Variants in PTPRT observed in about 807,000 individuals in gnomAD.
PTPRT encodes protein tyrosine phosphatase receptor type T.
Under a neutral mutation model 176.8 loss-of-function variants are expected in PTPRT, and 56 were observed. The observed-to-expected ratio is 0.32, with a 90% CI of 0.26 to 0.40. PTPRT has a LOEUF of 0.40. Ranked by LOEUF, PTPRT falls within the 10% of genes least tolerant of loss-of-function variation. The pLI is 1.00. For missense variants in PTPRT, 1,540 were observed against 1,908.2 expected (o/e 0.81, Z 3.60); for synonymous variants, 783 against 739.0 (o/e 1.06, Z -0.96).
chr20:42,573,107 C>T (rs2073188020), intron 7 of PTPRT, among the ~76,000 whole-genome samples: 1 of 152,078 alleles, frequency 6.6e-6, no homozygotes, highest in Admixed American at 6.5e-5. Flanking sequence ...AATTAATTAA[C>T]AACTAATTAA....
In PTPRT at chr20:42,480,043, A is replaced by AAG. The variant is rs533083147; in HGVS notation, c.1154-7482_1154-7481insCT. Among the ~76,000 whole-genome samples, 15 of 152,350 alleles carry AAG rather than the reference A, an allele frequency of 9.8e-5. No homozygotes were observed. The East Asian group carries it at 2.5e-3, about 25-fold the overall frequency. ...AACACGGTTGCTACCCTCCCATAGC[A>AAG]ATGCCACAGAGAAGGTAATCCACTC... On this transcript the variant is annotated intron_variant, in intron 7 of 30. Transcript: ENST00000373187.
At chr20:42,829,218 T>C (rs1297936512) in intron 2 of PTPRT, among the ~76,000 whole-genome samples, 1 of 152,254 alleles carries the variant, frequency 6.6e-6, no homozygotes, top group East Asian at 1.9e-4. Flanking sequence ...TAGATTTGCA[T>C]GGGGCCTGTA....
intron 7 of PTPRT, among the ~76,000 whole-genome samples, chr20:42,649,319 A>C (rs1316402513): frequency 6.6e-6 from 1 of 152,084 alleles, no homozygotes; most frequent in Non-Finnish European, 1.5e-5. Context: ...CAAAGGAAAG[A>C]CCTGCCCCCA....
At chr20:42,264,183 C>T (rs1367581981) in intron 13 of PTPRT, among the ~76,000 whole-genome samples, 2 of 152,100 alleles carry the variant, frequency 1.3e-5, no homozygotes, top group Non-Finnish European at 2.9e-5. Flanking sequence ...GCAGTGAGAG[C>T]CTCAGTCATA....
In PTPRT at chr20:42,141,988, C is replaced by T. The variant is rs762900792; in HGVS notation, c.2697G>A (p.Gly899=). The T allele has an allele frequency of 1.2e-6, 2 of 1,614,038 alleles. No individual in the cohort carries two copies. Among genetic ancestry groups the T allele is most frequent in the Middle Eastern group, 1.6e-4 (1 of 6,062 alleles). ...TGGCTGTGTCCCACGAAGCTGTCTGCCCCTCTGGTAAGGCCTAAAAAGCAA... is the reference window on the plus strand; with the variant it reads ...TGGCTGTGTCCCACGAAGCTGTCTGTCCCTCTGGTAAGGCCTAAAAAGCAA... ...FKEEYEALPE[G]QTASWDTAKE... is the part of the protein sequence containing the mutation. The change falls in exon 18 of 31, where the codon GGG becomes GGA. Residue 899 remains glycine (G), a synonymous_variant. Coordinates refer to ENST00000373187, the MANE Select transcript of PTPRT (RefSeq NM_007050.6).
At chr20:42,751,410 G>T (rs568407620) in intron 6 of PTPRT, among the ~76,000 whole-genome samples, 1 of 152,330 alleles carries the variant, frequency 6.6e-6, no homozygotes, top group African/African-American at 2.4e-5. Context: ...GTGAACACAG[G>T]AAAGGACCAG....
intron 1 of PTPRT, among the ~76,000 whole-genome samples, chr20:42,992,003 A>C (rs1355689010): frequency 1.3e-5 from 2 of 152,242 alleles, no homozygotes; most frequent in African/African-American, 4.8e-5. Flanking sequence ...GAATAGAAAC[A>C]AAATTCTTGG....
chr20:42,669,896 G>C (rs1286487514), intron 7 of PTPRT, among the ~76,000 whole-genome samples: 7 of 152,234 alleles, frequency 4.6e-5, no homozygotes, highest in African/African-American at 1.4e-4. Context: ...TCCTCAAAGA[G>C]AGAAGCATCT....
At chr20:42,115,688 A>G (rs1987238977) in intron 21 of PTPRT, among the ~76,000 whole-genome samples, 1 of 152,244 alleles carries the variant, frequency 6.6e-6, no homozygotes, top group South Asian at 2.1e-4. Flanking sequence ...TGACTTGTCC[A>G]AGGCCATGTG....
intron 1 of PTPRT, among the ~76,000 whole-genome samples, chr20:43,175,619 A>T (rs62205319): frequency 1.5e-4 from 4 of 27,434 alleles, no homozygotes; most frequent in South Asian, 3.1e-3. Flanking sequence ...CTGCACTCCA[A>T]CCTGGCAACA....
At chr20:42,982,407 A>G (rs1983334602) in intron 1 of PTPRT, among the ~76,000 whole-genome samples, 1 of 152,240 alleles carries the variant, frequency 6.6e-6, no homozygotes, top group African/African-American at 2.4e-5. Flanking sequence ...AAATACACAC[A>G]GAGCTTGGCA....
chr20:42,669,032 A>T (rs2146032704), intron 7 of PTPRT, among the ~76,000 whole-genome samples: 2 of 151,966 alleles, frequency 1.3e-5, no homozygotes, highest in Middle Eastern at 3.4e-3. Flanking sequence ...ATGGCGTCTC[A>T]ATCAGAGGCT....
intron 12 of PTPRT, among the ~76,000 whole-genome samples, chr20:42,311,845 C>T (rs1251222145): frequency 2.0e-5 from 3 of 151,974 alleles, no homozygotes; most frequent in African/African-American, 7.3e-5. Flanking sequence ...GGAGAGCTGA[C>T]TTTGTTTAAA....
chr20:42,964,431 G>C (rs1367867045), intron 1 of PTPRT, among the ~76,000 whole-genome samples: 1 of 152,066 alleles, frequency 6.6e-6, no homozygotes. Flanking sequence ...TTGATAAAAG[G>C]TATAATTCAC....
At chr20:42,058,526 A>G in the PTPRT span, among the ~76,000 whole-genome samples, 157 of 152,280 alleles carry the variant, frequency 1.0e-3, 2 homozygotes, top group Admixed American at 4.6e-3. Context: ...ATTCCAGATA[A>G]CAGCTCCCTT....
intron 19 of PTPRT, among the ~76,000 whole-genome samples, chr20:42,121,569 C>T (rs1987591548): frequency 6.6e-6 from 1 of 152,068 alleles, no homozygotes; most frequent in South Asian, 2.1e-4. Flanking sequence ...GGCTCTGTCC[C>T]TTCTAGGGTG....
chr20:42,968,821 T>G (rs1274846823), intron 1 of PTPRT: 1 of 152,272 alleles, frequency 6.6e-6, no homozygotes, highest in African/African-American at 2.4e-5. Context: ...CCATCCACCT[T>G]CTGTCATCAC....
At chr20:42,081,209 T>C (rs1239566742) in intron 30 of PTPRT, among the ~76,000 whole-genome samples, 1 of 152,158 alleles carries the variant, frequency 6.6e-6, no homozygotes, top group African/African-American at 2.4e-5. Flanking sequence ...GTAACGTGCA[T>C]ACAAGGCAGC....
At chr20:42,282,439 C>T (rs767610599) in intron 13 of PTPRT, 50 bp downstream of exon 13, 2 of 1,545,078 alleles carry the variant, frequency 1.3e-6, no homozygotes, top group South Asian at 1.2e-5. Flanking sequence ...GAAAGAAATA[C>T]TTAAATGGCT....
Sources: gnomAD v4.1 joint callset for allele counts (sites outside exome capture counted in the v4.1 genomes callset) on GRCh38, gnomAD v4.1.1 for gene constraint, MANE v1.5 for transcripts, NCBI Gene and HGNC (gene_info 2026-07-23, HGNC 2026-07-21) for gene names.